The following SGPP2 variants were observed in gnomAD, a reference collection of about 807,000 sequenced individuals.
SGPP2 encodes sphingosine-1-phosphate phosphatase 2, also known as sphingosine 1-phosphate phosphohydrolase 2.
A neutral mutation model predicts 33.9 loss-of-function variants in SGPP2; 30 were observed. The observed-to-expected ratio is 0.89, with a 90% CI of 0.66 to 1.20. The LOEUF (loss-of-function observed/expected upper bound fraction) is 1.20. SGPP2 is among the 50% of genes most tolerant of loss of function. SGPP2 has a pLI of 0.00. For missense variants in SGPP2, 458 were observed against 532.1 expected (o/e 0.86, Z 1.37); for synonymous variants, 233 against 225.0 (o/e 1.04, Z -0.32).
intron 2 of SGPP2, among the ~76,000 whole-genome samples, chr2:222,503,491 G>A (rs971111468): frequency 1.3e-5 from 2 of 152,110 alleles, no homozygotes; most frequent in Admixed American, 6.5e-5. Context: ...TTCCCATGGC[G>A]AAATGACAAA....
chr2:222,511,901 A>G (rs1195331687), intron 2 of SGPP2, among the ~76,000 whole-genome samples: 1 of 151,520 alleles, frequency 6.6e-6, no homozygotes, highest in Non-Finnish European at 1.5e-5. Flanking sequence ...CTGGTCTCAA[A>G]CTCCTGGGTC....
At chr2:222,507,386 G>A (rs2106122610) in intron 2 of SGPP2, among the ~76,000 whole-genome samples, 1 of 152,308 alleles carries the variant, frequency 6.6e-6, no homozygotes, top group East Asian at 1.9e-4. Context: ...CACATTTAGA[G>A]ACAGGAATCG....
intron 1 of SGPP2, among the ~76,000 whole-genome samples, chr2:222,445,629 C>T (rs1300945978): frequency 6.6e-6 from 1 of 152,130 alleles, no homozygotes; most frequent in Non-Finnish European, 1.5e-5. Context: ...TGGGCAGTCC[C>T]CAGAGGAGAG....
intron 2 of SGPP2, among the ~76,000 whole-genome samples, chr2:222,514,034 A>G (rs1247620255): frequency 1.3e-5 from 2 of 152,240 alleles, no homozygotes; most frequent in Non-Finnish European, 2.9e-5. Context: ...TTCTAAATAT[A>G]TTGTAATATT....
At chr2:222,549,333 A>G (rs1439890309) in intron 4 of SGPP2, among the ~76,000 whole-genome samples, 1 of 152,228 alleles carries the variant, frequency 6.6e-6, no homozygotes, top group African/African-American at 2.4e-5. Flanking sequence ...TAGAATGGAA[A>G]TTTGTCGCAG....
At chr2:222,467,965 A>AACAAAAAAAAAC (rs1697774043) in intron 1 of SGPP2, among the ~76,000 whole-genome samples, 1 of 121,042 alleles carries the variant, frequency 8.3e-6, no homozygotes, top group African/African-American at 5.0e-5. Flanking sequence ...AAAAAAAAAA[A>AACAAAAAAAAAC]AAAAAAAAAA....
chr2:222,430,254 C>G (rs1445228389), intron 1 of SGPP2, among the ~76,000 whole-genome samples: 4 of 152,088 alleles, frequency 2.6e-5, no homozygotes, highest in Non-Finnish European at 5.9e-5. Flanking sequence ...CCTGGATTCT[C>G]ATGTGCTAGA....
At chr2:222,441,772 A>T (rs954946067) in intron 1 of SGPP2, among the ~76,000 whole-genome samples, 2 of 152,194 alleles carry the variant, frequency 1.3e-5, no homozygotes, top group Non-Finnish European at 2.9e-5. Flanking sequence ...GAGGAATATT[A>T]GTTACTAAGA....
intron 2 of SGPP2, among the ~76,000 whole-genome samples, chr2:222,493,832 T>C (rs996711832): frequency 2.0e-5 from 3 of 152,222 alleles, no homozygotes; most frequent in South Asian, 2.1e-4. Context: ...TAGGAGGCTA[T>C]TGGTTTGGCC....
chr2:222,507,452 G>A (rs1205466011), intron 2 of SGPP2, among the ~76,000 whole-genome samples: 1 of 152,152 alleles, frequency 6.6e-6, no homozygotes, highest in Non-Finnish European at 1.5e-5. Flanking sequence ...AACATGTATT[G>A]CATTGTTGCC....
At chr2:222,459,622 G>T (rs1293829875) in intron 1 of SGPP2, among the ~76,000 whole-genome samples, 2 of 150,678 alleles carry the variant, frequency 1.3e-5, no homozygotes, top group Non-Finnish European at 3.0e-5. Flanking sequence ...TGCGTGCATG[G>T]GTGTGTGTGT....
At chr2:222,526,205 A>G (rs917541295) in intron 4 of SGPP2, among the ~76,000 whole-genome samples, 2 of 135,018 alleles carry the variant, frequency 1.5e-5, no homozygotes, top group African/African-American at 5.0e-5. Flanking sequence ...ACAAAACCCC[A>G]TGATGAGCTA....
At chr2:222,528,734 G>C (rs566240636) in intron 4 of SGPP2, among the ~76,000 whole-genome samples, 2 of 151,826 alleles carry the variant, frequency 1.3e-5, no homozygotes, top group Non-Finnish European at 2.9e-5. Flanking sequence ...CTCATACCTC[G>C]GCCTCCCGAG....
intron 2 of SGPP2, among the ~76,000 whole-genome samples, chr2:222,495,537 A>G (rs1312603960): frequency 1.3e-5 from 2 of 152,350 alleles, no homozygotes; most frequent in Admixed American, 6.5e-5. Flanking sequence ...AATGAGAGGA[A>G]GAAAAATGGC....
At chr2:222,492,799 T>C (rs1253349583) in intron 2 of SGPP2, among the ~76,000 whole-genome samples, 2 of 152,194 alleles carry the variant, frequency 1.3e-5, no homozygotes, top group Non-Finnish European at 2.9e-5. Flanking sequence ...AGTTCCAATT[T>C]CAGATAATCT....
At chr2:222,426,797 C>T (rs1456964357) in intron 1 of SGPP2, among the ~76,000 whole-genome samples, 3 of 152,210 alleles carry the variant, frequency 2.0e-5, no homozygotes, top group Non-Finnish European at 2.9e-5. Flanking sequence ...TACATACACA[C>T]ATTGATTCCC....
intron 1 of SGPP2, among the ~76,000 whole-genome samples, chr2:222,443,729 G>C (rs1458629390): frequency 6.6e-6 from 1 of 152,066 alleles, no homozygotes; most frequent in East Asian, 1.9e-4. Flanking sequence ...TGGCTATAGT[G>C]AGCCTTTCAG....
At chr2:222,500,450 C>G (rs1006856299) in intron 2 of SGPP2, among the ~76,000 whole-genome samples, 1 of 152,192 alleles carries the variant, frequency 6.6e-6, no homozygotes, top group African/African-American at 2.4e-5. Flanking sequence ...ATAGTGCACT[C>G]ATTCTCTAGA....
At chr2:222,522,056 T>C in intron 3 of SGPP2, 110 bp downstream of exon 3, 1 of 1,013,876 alleles carries the variant, frequency 9.9e-7, no homozygotes, top group Non-Finnish European at 1.4e-6. Context: ...GTTTATGAAA[T>C]AAAGATTAAG....
Sources: gnomAD v4.1 joint callset for allele counts (sites outside exome capture counted in the v4.1 genomes callset) on GRCh38, gnomAD v4.1.1 for gene constraint, MANE v1.5 for transcripts, NCBI Gene and HGNC (gene_info 2026-07-23, HGNC 2026-07-21) for gene names.